Variants in EMC10 observed in about 807,000 individuals in gnomAD.
EMC10 encodes ER membrane protein complex subunit 10, also known as UPF0510 protein INM02.
In EMC10, 40 loss-of-function variants were observed where a neutral mutation model predicts 32.2. The ratio of observed to expected loss-of-function variants is 1.24; its 90% confidence interval spans 0.96 to 1.61. The LOEUF (loss-of-function observed/expected upper bound fraction) is 1.61, where lower values mean the gene tolerates loss of function less well. Ranked by LOEUF, EMC10 falls within the 40% of genes most tolerant of loss-of-function variation. EMC10 has a pLI of 0.00. For synonymous variants in EMC10, 178 were observed against 158.4 expected (o/e 1.12, Z -0.93); for missense variants, 402 against 357.7 (o/e 1.12, Z -1.00).
Position 50,484,197 on chromosome 19 carries a change from T to A in EMC10, c.*1938T>A, listed in dbSNP as rs2040365427. On this transcript the variant is annotated 3_prime_UTR_variant, in exon 7 of 7. Transcript: ENST00000334976. ...CGCCCGCCAACACACCTGGCTAATT[T>A]TTGTATTGTTAGTAGAGACAGGGTT... 1 of 151,720 alleles carries A rather than the reference T, an allele frequency of 6.6e-6. No individual in the cohort carries two copies. 9.4% of individuals were successfully genotyped at this position (151,720 alleles called of 1,614,324 possible).
In EMC10 at chr19:50,489,103, A is replaced by G. The variant is rs1404820447; in HGVS notation, c.*6844A>G. The G allele has an allele frequency of 6.6e-6, 1 of 151,850 alleles. No homozygotes were observed. The highest frequency in any genetic ancestry group is 2.4e-5 in the African/African-American group (1 of 41,198). The allele number at this position is 151,850 out of a possible 1,614,324, so 9.4% of individuals were successfully genotyped here. ...AGGGTAGGAGAGGGCTGGAGAGAGA[A>G]GGGAAGTTAAGAAGGGAAGGAGAGA... On this transcript the variant is annotated 3_prime_UTR_variant, in exon 7 of 7. Transcript: ENST00000334976.
intron 3 of EMC10, 79 bp downstream of exon 3, chr19:50,479,145 C>G (rs967408667): frequency 2.6e-6 from 3 of 1,142,628 alleles, no homozygotes; most frequent in Non-Finnish European, 3.8e-6. Context: ...CCCTGCTGGT[C>G]CCCAGCAGCC....
rs778623927 is a variant in EMC10 at position 50,480,995 on chromosome 19, G to A, written c.678+18G>A. 2.3e-5 allele frequency: 37 copies of A among 1,583,584 alleles called. No homozygotes were observed. The highest frequency in any genetic ancestry group is 1.9e-4 in the Admixed American group (11 of 58,012). The stretch of plus-strand genomic sequence containing the variant: ...CCAAATACGTGAGTGGGGCTCCCCC[G>A]CCTCCCCTATTCCCTTCCTGACAGT... On this transcript the variant is annotated intron_variant, in intron 6 of 6. Transcript: ENST00000334976. This position sits in a 1 kb window ranked among gnomAD's most constrained non-coding sequence, Gnocchi z 4.4.
intron 1 of EMC10, among the ~76,000 whole-genome samples, chr19:50,477,725 T>C (rs554198160): frequency 7.2e-4 from 110 of 152,328 alleles, no homozygotes; most frequent in African/African-American, 2.5e-3. Context: ...TTGTAGGGTC[T>C]GGTTTTCTGG....
chr19:50,478,805 T>C (rs1046690766), intron 2 of EMC10, 152 bp from the exon 3 acceptor site: 1 of 631,512 alleles, frequency 1.6e-6, no homozygotes, highest in Admixed American at 2.7e-5. Context: ...GTGTCCCCAC[T>C]TTGCAGATAG....
chr19:50,476,540 C>T lies in EMC10; in HGVS notation c.-5C>T, dbSNP rs1190037084. Reference sequence around the variant, plus strand: ...CCGTCCCTTCGCTGGTGGGAAGAAGCCGAGATGGCGGCAGCCAGCGCTGGG... The same window carrying T: ...CCGTCCCTTCGCTGGTGGGAAGAAGTCGAGATGGCGGCAGCCAGCGCTGGG... On this transcript the variant is annotated 5_prime_UTR_variant, in exon 1 of 7. Transcript: ENST00000334976. 5.7e-6 allele frequency: 9 copies of T among 1,571,808 alleles called. No homozygotes were observed. The highest frequency in any genetic ancestry group is 2.3e-4 in the Middle Eastern group (1 of 4,410).
In EMC10 at chr19:50,488,952, G is replaced by A. The variant is rs749581429; in HGVS notation, c.*6693G>A. The A allele has an allele frequency of 1.3e-5, 2 of 149,160 alleles. No homozygotes were observed. Among genetic ancestry groups the A allele is most frequent in the Non-Finnish European group, 1.5e-5 (1 of 67,432 alleles). 9.2% of individuals were successfully genotyped at this position (149,160 alleles called of 1,614,324 possible). A position where few individuals can be genotyped will look rare whatever the true frequency, so the allele number is the denominator to read the frequency against. On this transcript the variant is annotated 3_prime_UTR_variant, in exon 7 of 7. Transcript: ENST00000334976. ...AGGGAAGAAGGGTGGGAGAGAAAAC[G>A]GAACAGAGAGGGGGCACAGACAGCG...
In EMC10 at chr19:50,479,072, G is replaced by T; in HGVS notation, c.297+6G>T. The stretch of plus-strand genomic sequence containing the variant: ...AGGAGCGGGGCCGACTCCGGGTGAG[G>T]TGGGGCCCTCAGGGCTGGGTGTGGA... On this transcript the variant is annotated splice_donor_region_variant and intron_variant, in intron 3 of 6. Transcript: ENST00000334976. 6.3e-7 allele frequency: 1 copy of T among 1,595,946 alleles called. No individual in the cohort carries two copies. The highest frequency in any genetic ancestry group is 8.5e-7 in the Non-Finnish European group (1 of 1,171,812).
At chr19:50,481,690 G>T in intron 6 of EMC10, 1 of 602,322 alleles carries the variant, frequency 1.7e-6, no homozygotes, top group Non-Finnish European at 2.9e-6. Context: ...GGCCTCACCC[G>T]CTCCGCCTGG....
chr19:50,479,306 C>T (rs2040281191), intron 3 of EMC10, among the ~76,000 whole-genome samples: 2 of 152,268 alleles, frequency 1.3e-5, no homozygotes, highest in Admixed American at 1.3e-4. Flanking sequence ...ACTGCTCCCT[C>T]TGCTGGCAGA....
intron 1 of EMC10, 112 bp from the exon 2 acceptor site, chr19:50,477,817 A>G: frequency 1.4e-6 from 1 of 712,402 alleles, no homozygotes; most frequent in Non-Finnish European, 2.3e-6. Context: ...GATTAACTTG[A>G]AGATAAGGCT....
chr19:50,490,667 C>G lies in EMC10; in HGVS notation c.*8408C>G, dbSNP rs1978587716. ...TGGGCTCGGAGGAACATGCCCTCCG[C>G]CTAGTCCCTGACATCCTTTTCACAT... On this transcript the variant is annotated 3_prime_UTR_variant, in exon 7 of 7. Transcript: ENST00000334976. 1 of 152,070 alleles carries G rather than the reference C, an allele frequency of 6.6e-6. No homozygotes were observed. The highest frequency in any genetic ancestry group is 1.5e-5 in the Non-Finnish European group (1 of 68,046). 9.4% of individuals were successfully genotyped at this position (152,070 alleles called of 1,614,324 possible). A position where few individuals can be genotyped will look rare whatever the true frequency, so the allele number is the denominator to read the frequency against.
rs193037089 is a variant in EMC10 at position 50,478,084 on chromosome 19, G to A, written c.187+83G>A. 8.7e-5 allele frequency: 101 copies of A among 1,154,866 alleles called. No individual in the cohort carries two copies. In the African/African-American group the frequency reaches 1.2e-3, roughly 14 times the overall value. 71.5% of individuals were successfully genotyped at this position (1,154,866 alleles called of 1,614,324 possible). Reference sequence around the variant, plus strand: ...ACTTGGAGTCTGGGTGCCTCCCGTCGTATGACATTTACTAACAACCATTTA... The same window carrying A: ...ACTTGGAGTCTGGGTGCCTCCCGTCATATGACATTTACTAACAACCATTTA... On this transcript the variant is annotated intron_variant, in intron 2 of 6. Coordinates refer to ENST00000334976, the MANE Select transcript of EMC10 (RefSeq NM_206538.4).
chr19:50,478,652 C>T lies in EMC10; in HGVS notation c.188-305C>T, dbSNP rs960355491. Among the ~76,000 whole-genome samples, 15 of 152,276 alleles carry T rather than the reference C, an allele frequency of 9.9e-5. No individual in the cohort carries two copies. The East Asian group carries it at 1.5e-3, about 16-fold the overall frequency. On this transcript the variant is annotated intron_variant, in intron 2 of 6. Transcript: ENST00000334976. ...GGGAATTCCTGAACTCCACAGCCTC[C>T]GTATTTTGCAGTTGGGGAAGCTGAG...
rs575903544 is a variant in EMC10, at chr19:50,480,285, A to G, written c.402+70A>G. 2.8e-6 allele frequency: 4 copies of G among 1,435,602 alleles called. No individual in the cohort carries two copies. The highest frequency in any genetic ancestry group is 2.8e-5 in the African/African-American group (2 of 71,714). 88.9% of individuals were successfully genotyped at this position (1,435,602 alleles called of 1,614,324 possible). A position where few individuals can be genotyped will look rare whatever the true frequency, so the allele number is the denominator to read the frequency against. On this transcript the variant is annotated intron_variant, in intron 4 of 6. Transcript: ENST00000334976. The surrounding 1 kb of genome is among the most constrained non-coding windows in gnomAD (Gnocchi z 4.4). ...CATCCCCTACCCTGGTCCTGCTTCCACCATTCGAACCCCTGTGTTTCTGGA... is the reference window on the plus strand; with the variant it reads ...CATCCCCTACCCTGGTCCTGCTTCCGCCATTCGAACCCCTGTGTTTCTGGA...
At position 50,482,538 on chromosome 19, in the gene EMC10, G is replaced by C. The variant is rs762338131; in HGVS notation, c.*279G>C. On this transcript the variant is annotated 3_prime_UTR_variant, in exon 7 of 7. Transcript: ENST00000334976. ...CCCCCCTGCCCATGGAGTAGAGCCC[G>C]AGATCCTGGCCACTATGCCAGTTCT... The C allele has an allele frequency of 6.7e-5, 37 of 553,178 alleles. No individual in the cohort carries two copies. The Middle Eastern group carries it at 1.6e-3, about 24-fold the overall frequency. 34.3% of individuals were successfully genotyped at this position (553,178 alleles called of 1,614,324 possible). A position where few individuals can be genotyped will look rare whatever the true frequency, so the allele number is the denominator to read the frequency against.
At chr19:50,476,955 G>A in intron 1 of EMC10, 1 of 321,048 alleles carries the variant, frequency 3.1e-6, no homozygotes, top group Non-Finnish European at 5.7e-6. Context: ...CCGGGCGGTT[G>A]AAATGAAAGA....
At chr19:50,477,197 GTT>G (rs2122653845) in intron 1 of EMC10, 3 of 152,532 alleles carry the variant, frequency 2.0e-5, no homozygotes, top group Admixed American at 2.0e-4. Context: ...GAAGTCAGGA[GTT>G]CAAGACCAGC....
intron 2 of EMC10, among the ~76,000 whole-genome samples, chr19:50,478,651 C>T (rs1403071724): frequency 6.6e-6 from 1 of 152,168 alleles, no homozygotes; most frequent in African/African-American, 2.4e-5. Context: ...TCCACAGCCT[C>T]CGTATTTTGC....
Sources: allele counts gnomAD v4.1 joint callset (sites outside exome capture counted in the v4.1 genomes callset), GRCh38; gene constraint gnomAD v4.1.1; non-coding constraint Gnocchi (gnomAD v3.1); transcripts MANE v1.5; gene names NCBI Gene and HGNC (gene_info 2026-07-23, HGNC 2026-07-21).